SDK1: variants seen among roughly 807,000 people sequenced by gnomAD.
The protein encoded by SDK1 is protein sidekick-1.
In SDK1, 157 loss-of-function variants were observed where a neutral mutation model predicts 245.5. The observed-to-expected ratio is 0.64, with a 90% CI of 0.56 to 0.73. The LOEUF (loss-of-function observed/expected upper bound fraction) is 0.73. SDK1 is among the 30% of genes least tolerant of loss of function. The pLI, the probability that SDK1 is intolerant of heterozygous loss-of-function variation, is 0.00. For missense variants in SDK1, 3,583 were observed against 3,002.3 expected (o/e 1.19, Z -4.52); for synonymous variants, 1,647 against 1,278.5 (o/e 1.29, Z -6.15).
At chr7:4,185,167 G>A (rs924744192) in intron 35 of SDK1, among the ~76,000 whole-genome samples, 3 of 152,186 alleles carry the variant, frequency 2.0e-5, no homozygotes, top group African/African-American at 7.2e-5. Context: ...GGGGACTCGG[G>A]CATTCACCAC....
chr7:3,604,387 C>T (rs1290574976), intron 1 of SDK1, among the ~76,000 whole-genome samples: 1 of 152,020 alleles, frequency 6.6e-6, no homozygotes, highest in East Asian at 1.9e-4. Flanking sequence ...AATTTATTTT[C>T]ACTTTCCTTC....
intron 5 of SDK1, among the ~76,000 whole-genome samples, chr7:3,872,420 T>C (rs774999019): frequency 2.6e-5 from 4 of 152,138 alleles, no homozygotes; most frequent in Non-Finnish European, 5.9e-5. Context: ...TATTTTATTT[T>C]GTTTTTAAAG....
At chr7:3,779,872 C>G (rs958536226) in intron 4 of SDK1, among the ~76,000 whole-genome samples, 2 of 143,764 alleles carry the variant, frequency 1.4e-5, no homozygotes, top group African/African-American at 2.6e-5. Flanking sequence ...GCGGAGCTTG[C>G]AGTGAGCCGA....
intron 4 of SDK1, among the ~76,000 whole-genome samples, chr7:3,800,864 C>G (rs994178106): frequency 5.9e-5 from 9 of 152,164 alleles, no homozygotes; most frequent in Non-Finnish European, 1.3e-4. Context: ...CCCGGGTATA[C>G]CAGCAGCCTG....
rs188743535 is a variant in SDK1 at position 3,425,995 on chromosome 7, A to G, written c.298+124111A>G. ...AAAGATTTTTAATCTGTAAATGGCAACTTATACATGGAAGGATTATAAAAT... is the reference window on the plus strand; with the variant it reads ...AAAGATTTTTAATCTGTAAATGGCAGCTTATACATGGAAGGATTATAAAAT... On this transcript the variant is annotated intron_variant, in intron 1 of 44. Transcript: ENST00000404826. Among the ~76,000 whole-genome samples the G allele has an allele frequency of 9.5e-4, 145 of 152,340 alleles. 1 individual carries two copies. Among genetic ancestry groups the G allele is most frequent in the African/African-American group, 3.4e-3 (142 of 41,586 alleles).
chr7:3,451,976 T>A (rs2128591882), intron 1 of SDK1, among the ~76,000 whole-genome samples: 2 of 152,286 alleles, frequency 1.3e-5, no homozygotes, highest in East Asian at 3.9e-4. Flanking sequence ...TGACTCTTTT[T>A]TGTATACAGA....
chr7:3,582,686 A>T (rs1250788987), intron 1 of SDK1, among the ~76,000 whole-genome samples: 4 of 81,694 alleles, frequency 4.9e-5, no homozygotes, highest in African/African-American at 4.8e-5. Flanking sequence ...ACTAAAGTAA[A>T]AAAAAAAAAA....
At chr7:4,178,348 A>C in intron 34 of SDK1, 137 bp from the exon 35 acceptor site, 1 of 702,632 alleles carries the variant, frequency 1.4e-6, no homozygotes, top group Non-Finnish European at 2.6e-6. Context: ...GGATGCAGGT[A>C]TTTCACAGAT....
intron 40 of SDK1, among the ~76,000 whole-genome samples, chr7:4,231,389 C>A (rs1785753245): frequency 1.3e-5 from 2 of 151,314 alleles, no homozygotes. Flanking sequence ...CACAGGGAGA[C>A]CCTGTCACTA....
At chr7:3,768,953 TG>T (rs1422600472) in intron 4 of SDK1, among the ~76,000 whole-genome samples, 1 of 152,228 alleles carries the variant, frequency 6.6e-6, no homozygotes, top group Non-Finnish European at 1.5e-5. Context: ...CTGATGGTCT[TG>T]CCCTGTTAAG....
At chr7:3,889,823 A>G (rs1392063486) in intron 5 of SDK1, among the ~76,000 whole-genome samples, 2 of 152,140 alleles carry the variant, frequency 1.3e-5, no homozygotes, top group Non-Finnish European at 2.9e-5. Context: ...GATTCTTACT[A>G]GAAGGCGGAG....
chr7:3,882,022 G>GTTTAAT (rs1445788719), intron 5 of SDK1, among the ~76,000 whole-genome samples: 2 of 152,078 alleles, frequency 1.3e-5, no homozygotes, highest in African/African-American at 4.8e-5. Context: ...CACATAGCTG[G>GTTTAAT]GGAGGCCTCA....
intron 17 of SDK1, among the ~76,000 whole-genome samples, chr7:4,049,113 G>C (rs181999454): frequency 1.3e-5 from 2 of 152,168 alleles, no homozygotes; most frequent in Admixed American, 1.3e-4. Context: ...GGATGGTCTG[G>C]TCCACCTTTC....
chr7:3,324,258 T>A (rs1252846294), intron 1 of SDK1, among the ~76,000 whole-genome samples: 1 of 152,208 alleles, frequency 6.6e-6, no homozygotes, highest in African/African-American at 2.4e-5. Context: ...TATTAAAATG[T>A]ATATATGGAA....
intron 1 of SDK1, among the ~76,000 whole-genome samples, chr7:3,560,952 C>T (rs1431297697): frequency 1.3e-5 from 2 of 152,190 alleles, no homozygotes; most frequent in Admixed American, 6.5e-5. Flanking sequence ...TTCATTCCAC[C>T]TACAATTTCG....
At chr7:3,933,078 C>T (rs1780035047) in intron 5 of SDK1, among the ~76,000 whole-genome samples, 1 of 151,334 alleles carries the variant, frequency 6.6e-6, no homozygotes, top group Non-Finnish European at 1.5e-5. Context: ...TAGCACAAAT[C>T]CTCTCTCCAT....
chr7:4,254,530 A>G (rs1171103347), intron 44 of SDK1, among the ~76,000 whole-genome samples: 1 of 151,996 alleles, frequency 6.6e-6, no homozygotes, highest in Non-Finnish European at 1.5e-5. Context: ...TTAATTTTTT[A>G]AACATGGTCT....
At chr7:3,576,656 G>T (rs118061544) in intron 1 of SDK1, among the ~76,000 whole-genome samples, 2 of 151,920 alleles carry the variant, frequency 1.3e-5, no homozygotes, top group Admixed American at 6.6e-5. Context: ...TGTAGGCAAC[G>T]TTATCGATAC....
At chr7:3,531,112 C>G (rs1297202416) in intron 1 of SDK1, among the ~76,000 whole-genome samples, 3 of 152,144 alleles carry the variant, frequency 2.0e-5, no homozygotes, top group Non-Finnish European at 4.4e-5. Flanking sequence ...AATATGAACT[C>G]TGCTTTGAAT....
Sources: gnomAD v4.1 joint callset for allele counts (sites outside exome capture counted in the v4.1 genomes callset) on GRCh38, gnomAD v4.1.1 for gene constraint, MANE v1.5 for transcripts, NCBI Gene and HGNC (gene_info 2026-07-23, HGNC 2026-07-21) for gene names.